The following MAST4 variants were observed in gnomAD, a reference collection of about 807,000 sequenced individuals.
MAST4 encodes microtubule associated serine/threonine kinase family member 4, also known as microtubule-associated serine/threonine-protein kinase 4.
In MAST4, 89 loss-of-function variants were observed where a neutral mutation model predicts 162.7. The ratio of observed to expected loss-of-function variants is 0.55; its 90% CI spans 0.46 to 0.65. The LOEUF is 0.65. MAST4 is among the 30% of genes least tolerant of loss of function. The pLI, the probability that MAST4 is intolerant of heterozygous loss-of-function variation, is 0.00. For synonymous variants in MAST4, 1,479 were observed against 1,361.1 expected (o/e 1.09, Z -1.91); for missense variants, 3,153 against 3,374.0 (o/e 0.93, Z 1.62).
chr5:66,852,512 G>A (rs1251843545), intron 3 of MAST4, among the ~76,000 whole-genome samples: 1 of 152,146 alleles, frequency 6.6e-6, no homozygotes, highest in Non-Finnish European at 1.5e-5. Context: ...CCTGGACACC[G>A]TAACGCTTGT....
chr5:66,858,400 C>T (rs1163116093), intron 3 of MAST4, among the ~76,000 whole-genome samples: 6 of 151,998 alleles, frequency 3.9e-5, no homozygotes, highest in East Asian at 1.9e-4. Flanking sequence ...TTTATTTTTC[C>T]AGGCAGAGAG....
chr5:66,977,186 C>T (rs1019251038), intron 4 of MAST4, among the ~76,000 whole-genome samples: 6 of 152,054 alleles, frequency 3.9e-5, no homozygotes, highest in African/African-American at 4.8e-5. Flanking sequence ...CCGTAACTTC[C>T]GCCTCCTGGG....
intron 1 of MAST4, among the ~76,000 whole-genome samples, chr5:66,597,642 C>T (rs1177696003): frequency 6.6e-6 from 1 of 152,216 alleles, no homozygotes; most frequent in Non-Finnish European, 1.5e-5. Context: ...AGACTTGTTT[C>T]CAGCTTGTCC....
intron 1 of MAST4, among the ~76,000 whole-genome samples, chr5:66,739,648 G>A (rs777318993): frequency 3.3e-5 from 5 of 152,190 alleles, no homozygotes; most frequent in South Asian, 2.1e-4. Context: ...CACGTATACC[G>A]GATGTTAAAT....
chr5:66,829,011 C>T lies in MAST4; in HGVS notation c.642+40217C>T, dbSNP rs1757417091. 5.1e-6 allele frequency: 4 copies of T among 786,428 alleles called. No individual in the cohort carries two copies. The South Asian group carries it at 6.2e-5, about 12-fold the overall frequency. The allele number at this position is 786,428 out of a possible 1,614,324, so 48.7% of individuals were successfully genotyped here. A position where few individuals can be genotyped will look rare whatever the true frequency, so the allele number is the denominator to read the frequency against. On this transcript the variant is annotated intron_variant, in intron 3 of 28. Transcript: ENST00000403625. Reference sequence around the variant, plus strand: ...AATTCTTAGTATCTACATGGCAACGCTATACGGAGTTTCTGGTTACAGGTA... The same window carrying T: ...AATTCTTAGTATCTACATGGCAACGTTATACGGAGTTTCTGGTTACAGGTA...
At chr5:66,706,193 C>G (rs1750114472) in intron 1 of MAST4, among the ~76,000 whole-genome samples, 2 of 152,104 alleles carry the variant, frequency 1.3e-5, no homozygotes, top group African/African-American at 4.8e-5. Flanking sequence ...GAAATATTGC[C>G]ATACTATCCC....
intron 4 of MAST4, among the ~76,000 whole-genome samples, chr5:66,992,738 A>G (rs907774725): frequency 2.0e-5 from 3 of 152,184 alleles, no homozygotes; most frequent in Admixed American, 2.0e-4. Flanking sequence ...ATTGTGAAAC[A>G]TTACTCAGAT....
Position 66,670,441 on chromosome 5 carries a change from C to T in MAST4, c.363+73423C>T, listed in dbSNP as rs113567481. The stretch of plus-strand genomic sequence containing the variant: ...TTCTCTTAGGTGAATTGATTCCTTC[C>T]CGAGTTTATTATAAATCAGGATTGT... On this transcript the variant is annotated intron_variant, in intron 1 of 28. Transcript: ENST00000403625. Among the ~76,000 whole-genome samples, 674 of 151,978 alleles carry T rather than the reference C, an allele frequency of 4.4e-3. 6 individuals carry two copies. The highest frequency in any genetic ancestry group is 0.016 in the African/African-American group (653 of 41,426).
intron 4 of MAST4, among the ~76,000 whole-genome samples, chr5:66,924,968 T>C (rs1328029394): frequency 1.3e-5 from 2 of 152,234 alleles, no homozygotes; most frequent in Non-Finnish European, 1.5e-5. Flanking sequence ...TCATAAAGCA[T>C]GGATCGTTTT....
intron 5 of MAST4, among the ~76,000 whole-genome samples, chr5:67,071,040 G>A (rs1161202456): frequency 6.6e-6 from 1 of 152,154 alleles, no homozygotes; most frequent in African/African-American, 2.4e-5. Flanking sequence ...TTATTAATCT[G>A]TAATAATATG....
chr5:66,937,648 G>A (rs1038861797), intron 4 of MAST4, among the ~76,000 whole-genome samples: 4 of 151,844 alleles, frequency 2.6e-5, no homozygotes, highest in African/African-American at 4.8e-5. Context: ...TATGTAGTAC[G>A]TTCATCTACT....
intron 4 of MAST4, among the ~76,000 whole-genome samples, chr5:66,920,052 C>A (rs1764429671): frequency 6.6e-6 from 1 of 151,150 alleles, no homozygotes; most frequent in Admixed American, 6.6e-5. Context: ...GCAGATGAAC[C>A]AAATTGAGGT....
intron 4 of MAST4, among the ~76,000 whole-genome samples, chr5:66,999,846 T>C (rs1373183007): frequency 6.6e-6 from 1 of 152,230 alleles, no homozygotes; most frequent in Non-Finnish European, 1.5e-5. Flanking sequence ...ATTATCTGTC[T>C]TAGTTTTCAG....
chr5:66,900,275 A>G (rs765016170), intron 4 of MAST4, among the ~76,000 whole-genome samples: 17 of 152,104 alleles, frequency 1.1e-4, no homozygotes, highest in Non-Finnish European at 2.5e-4. Flanking sequence ...GAGACAGAGT[A>G]CATTGATTTG....
rs1034392408 is a variant in MAST4, at chr5:66,633,180, G to A, written c.363+36162G>A. Reference sequence around the variant, plus strand: ...ATTCTGGGGCCTTCATTGCCCCTTTGCCCTTGTGTCTGAAAAGACCTTCAA... The same window carrying A: ...ATTCTGGGGCCTTCATTGCCCCTTTACCCTTGTGTCTGAAAAGACCTTCAA... On this transcript the variant is annotated intron_variant, in intron 1 of 28. Coordinates refer to ENST00000403625, the MANE Select transcript of MAST4 (RefSeq NM_001164664.2). 6.6e-5 allele frequency among the ~76,000 whole-genome samples: 10 copies of A among 152,256 alleles called. No individual in the cohort carries two copies. In the East Asian group the frequency reaches 1.9e-3, roughly 29 times the overall value.
At chr5:67,037,408 G>T (rs1261990752) in intron 4 of MAST4, among the ~76,000 whole-genome samples, 3 of 152,110 alleles carry the variant, frequency 2.0e-5, no homozygotes, top group Non-Finnish European at 4.4e-5. Context: ...AGGCTGGTGT[G>T]ACTCAGACAG....
chr5:67,158,097 C>T (rs1458345176), intron 26 of MAST4, among the ~76,000 whole-genome samples: 1 of 152,024 alleles, frequency 6.6e-6, no homozygotes, highest in Non-Finnish European at 1.5e-5. Flanking sequence ...TTGCCCCTTT[C>T]CTTCACCACA....
intron 4 of MAST4, among the ~76,000 whole-genome samples, chr5:66,964,233 A>C (rs1007416358): frequency 2.0e-4 from 30 of 152,156 alleles, no homozygotes; most frequent in Admixed American, 3.9e-4. Context: ...CATTTTTTAG[A>C]ACTCCAAGGT....
intron 4 of MAST4, among the ~76,000 whole-genome samples, chr5:66,940,760 T>C (rs142397574): frequency 2.0e-5 from 3 of 152,286 alleles, no homozygotes; most frequent in Non-Finnish European, 4.4e-5. Context: ...TTTGACCTCT[T>C]TTTATGACCT....
Sources: gnomAD v4.1 joint callset for allele counts (sites outside exome capture counted in the v4.1 genomes callset) on GRCh38, gnomAD v4.1.1 for gene constraint, MANE v1.5 for transcripts, NCBI Gene and HGNC (gene_info 2026-07-23, HGNC 2026-07-21) for gene names.